The following APBA1 variants were observed in gnomAD, a reference collection of about 807,000 sequenced individuals.
APBA1 encodes amyloid beta precursor protein binding family A member 1.
Under a neutral mutation model 86.6 loss-of-function variants are expected in APBA1, and 55 were observed. The ratio of observed to expected loss-of-function variants is 0.64; its 90% CI spans 0.51 to 0.80. The LOEUF (loss-of-function observed/expected upper bound fraction) is 0.80, where lower values mean the gene tolerates loss of function less well. Ranked by LOEUF, APBA1 falls within the 30% of genes least tolerant of loss-of-function variation. The probability of loss-of-function intolerance (pLI) is 0.00; values close to 1 mark genes in which losing one functional copy is unlikely to be tolerated. For synonymous variants in APBA1, 511 were observed against 493.9 expected, an observed-to-expected ratio of 1.03 and a Z score of -0.46; for missense variants, 1,090 against 1,183.0, an observed-to-expected ratio of 0.92 and a Z score of 1.15.
intron 1 of APBA1, among the ~76,000 whole-genome samples, chr9:69,610,960 CT>C (rs896693803): frequency 4.8e-4 from 70 of 146,668 alleles, no homozygotes; most frequent in Middle Eastern, 3.5e-3. Flanking sequence ...CTTCTAAGTT[CT>C]TTTTTTTTTT....
chr9:69,457,300 G>C (rs1835115831), intron 6 of APBA1, among the ~76,000 whole-genome samples, 161 bp from the exon 7 acceptor site: 1 of 152,212 alleles, frequency 6.6e-6, no homozygotes, highest in South Asian at 2.1e-4. Context: ...ACCACACAGA[G>C]GATGGACACA....
Position 69,582,280 on chromosome 9 carries a change from G to A in APBA1, c.-69-65001C>T, listed in dbSNP as rs1036931842. 5.9e-5 allele frequency among the ~76,000 whole-genome samples: 9 copies of A among 152,078 alleles called. No homozygotes were observed. The East Asian group carries it at 7.7e-4, about 13-fold the overall frequency. On this transcript the variant is annotated intron_variant, in intron 1 of 12. Transcript: ENST00000265381. ...AAGTAAGATAAACAAACAGTGGGAG[G>A]CTCGCTCATAAGTAAGTTCCCCTTT...
At position 69,440,659 on chromosome 9, in the gene APBA1, C is replaced by T. The variant is rs866807061; in HGVS notation, c.2301+337G>A. Among the ~76,000 whole-genome samples, 38 of 152,234 alleles carry T rather than the reference C, an allele frequency of 2.5e-4. 1 individual carries two copies. Among genetic ancestry groups the T allele is most frequent in the South Asian group, 8.3e-4 (4 of 4,826 alleles). On this transcript the variant is annotated intron_variant, in intron 11 of 12. Coordinates refer to ENST00000265381, the MANE Select transcript of APBA1 (RefSeq NM_001163.4). The stretch of plus-strand genomic sequence containing the variant: ...GTGCAGTATTAGGGTGGGAGTGACC[C>T]GATTTTCCAGGTGCTGTCTGTCACC...
At chr9:69,655,607 C>A (rs537899885) in intron 1 of APBA1, among the ~76,000 whole-genome samples, 5 of 152,170 alleles carry the variant, frequency 3.3e-5, no homozygotes, top group Admixed American at 2.0e-4. Context: ...GAAAAGATAT[C>A]TCATGTTCAT....
Position 69,499,273 on chromosome 9 carries a change from T to G in APBA1, c.1200+16738A>C, listed in dbSNP as rs185545141. 9.9e-5 allele frequency among the ~76,000 whole-genome samples: 15 copies of G among 152,218 alleles called. No homozygotes were observed. The East Asian group carries it at 2.9e-3, about 29-fold the overall frequency. On this transcript the variant is annotated intron_variant, in intron 2 of 12. Transcript: ENST00000265381. ...GGGCTAACTATCCTAGAACCACCCT[T>G]CTTCCCTTCCCTAGGAATACATCAC...
At chr9:69,568,093 A>G (rs1466481444) in intron 1 of APBA1, among the ~76,000 whole-genome samples, 1 of 152,214 alleles carries the variant, frequency 6.6e-6, no homozygotes, top group African/African-American at 2.4e-5. Context: ...ACTTCCTTGC[A>G]GTATGGACTA....
chr9:69,574,650 T>C (rs547939722), intron 1 of APBA1, among the ~76,000 whole-genome samples: 2 of 152,296 alleles, frequency 1.3e-5, no homozygotes, highest in East Asian at 3.9e-4. Flanking sequence ...TTTTAGGTAA[T>C]ATAAAAAGCA....
At chr9:69,511,112 A>G (rs1259061303) in intron 2 of APBA1, among the ~76,000 whole-genome samples, 2 of 152,000 alleles carry the variant, frequency 1.3e-5, no homozygotes, top group Admixed American at 1.3e-4. Flanking sequence ...CAGCAAAAGA[A>G]ACTACCATCA....
chr9:69,647,934 G>A (rs753364316), intron 1 of APBA1, among the ~76,000 whole-genome samples: 7 of 152,222 alleles, frequency 4.6e-5, no homozygotes, highest in Admixed American at 2.6e-4. Context: ...GGAACATGGG[G>A]TTGATAAAGA....
At chr9:69,667,661 TCTC>T (rs1479775731) in intron 1 of APBA1, among the ~76,000 whole-genome samples, 5 of 151,280 alleles carry the variant, frequency 3.3e-5, no homozygotes, top group African/African-American at 1.2e-4. Flanking sequence ...AATGGATTGT[TCTC>T]CTCAGCTTAT....
Position 69,516,420 on chromosome 9 carries a change from T to C in APBA1, c.791A>G (p.Tyr264Cys). 6.2e-7 allele frequency: 1 copy of C among 1,604,982 alleles called. No homozygotes were observed. The highest frequency in any genetic ancestry group is 8.5e-7 in the Non-Finnish European group (1 of 1,178,680). The change falls in exon 2 of 13, where the codon TAC becomes TGC. Residue 264 changes from tyrosine (Y) to cysteine (C), a missense_variant. Coordinates refer to ENST00000265381, the MANE Select transcript of APBA1 (RefSeq NM_001163.4). This position sits in a 1 kb window ranked among gnomAD's most constrained non-coding sequence, Gnocchi z 7.3. ...CTGGTCGATGTCCTCCTCCTGCTCG[T>C]AGCTGTCCATGCGCGGGTAGGGCGC... is the stretch of plus-strand genomic sequence containing the variant. ...EFAPYPRMDS[Y>C]EQEEDIDQIV...
At chr9:69,467,414 G>C (rs968019253) in intron 5 of APBA1, among the ~76,000 whole-genome samples, 2 of 152,140 alleles carry the variant, frequency 1.3e-5, no homozygotes, top group Non-Finnish European at 2.9e-5. Context: ...GGATGGGCTG[G>C]TTCAAAAGCA....
chr9:69,442,482 G>A (rs1834840564), intron 10 of APBA1, among the ~76,000 whole-genome samples: 2 of 152,152 alleles, frequency 1.3e-5, no homozygotes, highest in African/African-American at 4.8e-5. Context: ...GGTGGGAGGA[G>A]AGGTGGGTAA....
At chr9:69,652,101 G>A (rs1823515276) in intron 1 of APBA1, among the ~76,000 whole-genome samples, 1 of 152,208 alleles carries the variant, frequency 6.6e-6, no homozygotes, top group Non-Finnish European at 1.5e-5. Context: ...CAGCCAAAGA[G>A]AAAGGCTTCA....
chr9:69,613,819 G>A (rs1048741991), intron 1 of APBA1, among the ~76,000 whole-genome samples: 3 of 151,900 alleles, frequency 2.0e-5, no homozygotes, highest in Admixed American at 6.6e-5. Context: ...TCTATAATAC[G>A]GTATACATTC....
At chr9:69,659,613 G>A (rs1266622231) in intron 1 of APBA1, among the ~76,000 whole-genome samples, 3 of 152,160 alleles carry the variant, frequency 2.0e-5, no homozygotes, top group Non-Finnish European at 4.4e-5. Flanking sequence ...TTCACAGGGA[G>A]CAGCTTAGAC....
intron 1 of APBA1, among the ~76,000 whole-genome samples, chr9:69,606,871 T>C (rs972037066): frequency 1.1e-4 from 17 of 152,036 alleles, no homozygotes; most frequent in African/African-American, 4.1e-4. Flanking sequence ...CTAAAAGAAG[T>C]GACACATGGC....
At chr9:69,492,775 G>A (rs769077629) in intron 2 of APBA1, among the ~76,000 whole-genome samples, 14 of 152,052 alleles carry the variant, frequency 9.2e-5, no homozygotes, top group Non-Finnish European at 1.5e-4. Context: ...TTGGCACACT[G>A]CTGATTAGGA....
intron 1 of APBA1, among the ~76,000 whole-genome samples, chr9:69,646,867 A>C (rs1170504671): frequency 6.6e-6 from 1 of 152,224 alleles, no homozygotes; most frequent in Non-Finnish European, 1.5e-5. Flanking sequence ...CCCAGGCACC[A>C]AAGGAACTGT....
Sources: gnomAD v4.1 joint callset for allele counts (sites outside exome capture counted in the v4.1 genomes callset) on GRCh38, gnomAD v4.1.1 for gene constraint, Gnocchi (gnomAD v3.1) non-coding constraint, MANE v1.5 for transcripts, NCBI Gene and HGNC (gene_info 2026-07-23, HGNC 2026-07-21) for gene names.